Variants in CADPS observed in about 807,000 individuals in gnomAD.
CADPS encodes the protein calcium-dependent secretion activator 1.
A neutral mutation model predicts 167.3 loss-of-function variants in CADPS; 57 were observed. The observed-to-expected ratio is 0.34, with a 90% CI of 0.28 to 0.42. The LOEUF (loss-of-function observed/expected upper bound fraction) is 0.42. CADPS is among the 20% of genes least tolerant of loss of function. The pLI is 1.00. For missense variants in CADPS, 1,414 were observed against 1,738.1 expected (o/e 0.81, Z 3.32); for synonymous variants, 676 against 635.3 (o/e 1.06, Z -0.96).
intron 28 of CADPS, among the ~76,000 whole-genome samples, chr3:62,434,514 A>C (rs766671427): frequency 1.3e-5 from 2 of 152,206 alleles, no homozygotes; most frequent in Admixed American, 1.3e-4. Context: ...TATTTCTCCA[A>C]TAAACCTAGA....
chr3:62,614,029 G>C (rs1185384936), intron 6 of CADPS, among the ~76,000 whole-genome samples: 1 of 152,110 alleles, frequency 6.6e-6, no homozygotes, highest in Non-Finnish European at 1.5e-5. Flanking sequence ...ACAGGGGAGG[G>C]CCTGGGAAAA....
chr3:62,795,491 C>T (rs2093343838), intron 1 of CADPS, among the ~76,000 whole-genome samples: 1 of 152,144 alleles, frequency 6.6e-6, no homozygotes, highest in African/African-American at 2.4e-5. Flanking sequence ...ATTTGCTTCT[C>T]CTTACATTAG....
Position 62,465,593 on chromosome 3 carries a change from A to T in CADPS, c.3553-143T>A. On this transcript the variant is annotated intron_variant, in intron 25 of 29. Coordinates refer to ENST00000383710, the MANE Select transcript of CADPS (RefSeq NM_003716.4). This position sits in a 1 kb window ranked among gnomAD's most constrained non-coding sequence, Gnocchi z 4.1. ...TCTATTATTTGATTCCCGCCTTCGG[A>T]GAAAGGAATAGACTGCCTTTACATA... 1 of 538,532 alleles carries T rather than the reference A, an allele frequency of 1.9e-6. No homozygotes were observed. Among genetic ancestry groups the T allele is most frequent in the South Asian group, 3.5e-5 (1 of 28,226 alleles). 33.4% of individuals were successfully genotyped at this position (538,532 alleles called of 1,614,324 possible).
At chr3:62,769,988 C>G (rs2088150053) in intron 1 of CADPS, among the ~76,000 whole-genome samples, 1 of 151,958 alleles carries the variant, frequency 6.6e-6, no homozygotes, top group South Asian at 2.1e-4. Context: ...ATAAAAGAGC[C>G]AAATGATAAA....
chr3:62,474,502 A>T (rs1389045527), intron 23 of CADPS, among the ~76,000 whole-genome samples, 182 bp from the exon 24 acceptor site: 1 of 152,140 alleles, frequency 6.6e-6, no homozygotes, highest in Non-Finnish European at 1.5e-5. Context: ...ATTCACGGAG[A>T]CAGACATGCA....
At chr3:62,759,361 A>G (rs2084788583) in intron 2 of CADPS, among the ~76,000 whole-genome samples, 1 of 152,170 alleles carries the variant, frequency 6.6e-6, no homozygotes, top group East Asian at 1.9e-4. Context: ...TGTTATTTTT[A>G]AATAGAATAT....
chr3:62,861,501 T>G (rs747754158), intron 1 of CADPS, among the ~76,000 whole-genome samples: 1 of 152,220 alleles, frequency 6.6e-6, no homozygotes, highest in Non-Finnish European at 1.5e-5. Context: ...TTTTCTAAGA[T>G]TTTTGTACAA....
At chr3:62,423,519 T>C (rs920744181) in intron 28 of CADPS, among the ~76,000 whole-genome samples, 3 of 152,216 alleles carry the variant, frequency 2.0e-5, no homozygotes, top group African/African-American at 7.2e-5. Context: ...AAGCACATAT[T>C]TGAATAGTGT....
At chr3:62,696,792 A>C (rs2080375816) in intron 3 of CADPS, among the ~76,000 whole-genome samples, 1 of 152,070 alleles carries the variant, frequency 6.6e-6, no homozygotes, top group African/African-American at 2.4e-5. Flanking sequence ...ATCCTCATCA[A>C]TTAGGGGACA....
At chr3:62,460,226 A>T (rs1216997617) in intron 26 of CADPS, among the ~76,000 whole-genome samples, 1 of 152,202 alleles carries the variant, frequency 6.6e-6, no homozygotes, top group Non-Finnish European at 1.5e-5. Flanking sequence ...GCATGCATAC[A>T]CTTAGCACAG....
intron 26 of CADPS, among the ~76,000 whole-genome samples, chr3:62,464,592 A>G (rs537489308): frequency 1.3e-5 from 2 of 152,206 alleles, no homozygotes; most frequent in South Asian, 2.1e-4. Flanking sequence ...TCATTTATCC[A>G]TAGAAAATAA....
chr3:62,618,649 A>G (rs1192386154), intron 6 of CADPS, among the ~76,000 whole-genome samples: 6 of 152,084 alleles, frequency 3.9e-5, no homozygotes, highest in Non-Finnish European at 8.8e-5. Context: ...TTCCTTTCAG[A>G]TGCCAACTGT....
At position 62,794,425 on chromosome 3, in the gene CADPS, G is replaced by C. The variant is rs566181449; in HGVS notation, c.442-28441C>G. Among the ~76,000 whole-genome samples the C allele has an allele frequency of 4.0e-4, 61 of 152,258 alleles. 1 individual carries two copies. In the South Asian group the frequency reaches 5.0e-3, roughly 12 times the overall value. ...ATCTGCTCCCTGTCTCCACTATACA[G>C]ATGAGGATATAAATACACATATATT... On this transcript the variant is annotated intron_variant, in intron 1 of 29. Coordinates refer to ENST00000383710, the MANE Select transcript of CADPS (RefSeq NM_003716.4).
rs758430511 is a variant in CADPS, at chr3:62,518,143, C to T, written c.2393+6G>A. 455 of 1,600,312 alleles carry T rather than the reference C, an allele frequency of 2.8e-4. 2 individuals are homozygous for T. The highest frequency in any genetic ancestry group is 2.7e-5 in the Non-Finnish European group (32 of 1,168,618). ...TAATTAAAGCTCTCCAGCCCCAGAT[C>T]CTTACCTAAAATGTGTAATCTGATT... On this transcript the variant is annotated splice_donor_region_variant and intron_variant, in intron 14 of 29. Coordinates refer to ENST00000383710, the MANE Select transcript of CADPS (RefSeq NM_003716.4).
chr3:62,835,626 G>A (rs2075786381), intron 1 of CADPS, among the ~76,000 whole-genome samples: 1 of 152,140 alleles, frequency 6.6e-6, no homozygotes, highest in Non-Finnish European at 1.5e-5. Context: ...GAGAGAGAGA[G>A]CAGCTACATG....
intron 12 of CADPS, 96 bp from the exon 13 acceptor site, chr3:62,533,154 A>G (rs2074055441): frequency 9.6e-7 from 1 of 1,038,412 alleles, no homozygotes; most frequent in Non-Finnish European, 1.4e-6. Flanking sequence ...GGACTGAAAA[A>G]TAGCCAGAGC....
chr3:62,774,482 T>C (rs1576225740), intron 1 of CADPS, among the ~76,000 whole-genome samples: 1 of 152,168 alleles, frequency 6.6e-6, no homozygotes, highest in Non-Finnish European at 1.5e-5. Flanking sequence ...TAATGTCAAG[T>C]CTCTTTCCCC....
At chr3:62,540,075 G>A (rs1368586065) in intron 11 of CADPS, among the ~76,000 whole-genome samples, 1 of 152,170 alleles carries the variant, frequency 6.6e-6, no homozygotes, top group African/African-American at 2.4e-5. Flanking sequence ...TTAGCTAGGA[G>A]TAAACAAACA....
At chr3:62,634,346 AAT>A (rs1350813252) in intron 6 of CADPS, among the ~76,000 whole-genome samples, 2 of 152,228 alleles carry the variant, frequency 1.3e-5, no homozygotes, top group Non-Finnish European at 2.9e-5. Context: ...ATTCATATAA[AAT>A]AGTTTTAATG....
Sources: gnomAD v4.1 joint callset for allele counts (sites outside exome capture counted in the v4.1 genomes callset) on GRCh38, gnomAD v4.1.1 for gene constraint, Gnocchi (gnomAD v3.1) non-coding constraint, MANE v1.5 for transcripts, NCBI Gene and HGNC (gene_info 2026-07-23, HGNC 2026-07-21) for gene names.